The following EXOC4 variants were observed in gnomAD, a reference collection of about 807,000 sequenced individuals.
The protein encoded by EXOC4 is SEC8-like 1.
EXOC4 carries 71 observed loss-of-function variants against 107.2 expected under a neutral mutation model. That is an observed-to-expected ratio of 0.66 (90% CI 0.55 to 0.81). EXOC4 has a LOEUF of 0.81. Ranked by LOEUF, EXOC4 falls within the 30% of genes least tolerant of loss-of-function variation. The probability of loss-of-function intolerance (pLI) is 0.00; values close to 1 mark genes in which losing one functional copy is unlikely to be tolerated. For missense variants in EXOC4, 1,108 were observed against 1,189.6 expected (o/e 0.93, Z 1.01); for synonymous variants, 456 against 441.2 (o/e 1.03, Z -0.42).
intron 10 of EXOC4, among the ~76,000 whole-genome samples, chr7:133,755,344 C>CTT (rs201700277): frequency 1.1e-5 from 1 of 88,384 alleles, no homozygotes; most frequent in Non-Finnish European, 2.3e-5. Flanking sequence ...ATACACATCT[C>CTT]TTTTTTTTTT....
At chr7:133,906,276 G>A (rs1044576639) in intron 12 of EXOC4, among the ~76,000 whole-genome samples, 1 of 152,134 alleles carries the variant, frequency 6.6e-6, no homozygotes, top group Non-Finnish European at 1.5e-5. Flanking sequence ...TGGCCTTGGA[G>A]CTTTTGCCAA....
At chr7:134,000,306 A>G (rs1794503157) in intron 15 of EXOC4, among the ~76,000 whole-genome samples, 1 of 152,150 alleles carries the variant, frequency 6.6e-6, no homozygotes, top group Non-Finnish European at 1.5e-5. Context: ...ACAAAATGAA[A>G]AAGACAGATT....
chr7:133,986,372 A>G (rs919951423), intron 14 of EXOC4, among the ~76,000 whole-genome samples: 23 of 152,230 alleles, frequency 1.5e-4, no homozygotes, highest in African/African-American at 5.5e-4. Context: ...AAACTAGATT[A>G]TAGATGGTTT....
chr7:133,831,008 A>G (rs1298992470), intron 11 of EXOC4, among the ~76,000 whole-genome samples: 5 of 152,192 alleles, frequency 3.3e-5, no homozygotes, highest in Middle Eastern at 3.4e-3. Context: ...TCTATCGCCC[A>G]GGCTGGAGTG....
intron 9 of EXOC4, among the ~76,000 whole-genome samples, chr7:133,553,748 G>A (rs371857045): frequency 1.2e-4 from 18 of 152,184 alleles, no homozygotes; most frequent in African/African-American, 3.9e-4. Context: ...AAGTATTACC[G>A]AATTTGATTT....
At chr7:133,642,086 G>T (rs1375175185) in intron 10 of EXOC4, among the ~76,000 whole-genome samples, 1 of 152,134 alleles carries the variant, frequency 6.6e-6, no homozygotes, top group African/African-American at 2.4e-5. Context: ...CATTCAGTGG[G>T]AGTTGACAGT....
intron 10 of EXOC4, among the ~76,000 whole-genome samples, chr7:133,761,829 C>T (rs1796038750): frequency 6.6e-6 from 1 of 152,164 alleles, no homozygotes; most frequent in African/African-American, 2.4e-5. Context: ...CACCTGGGCC[C>T]AATGATTTTT....
At chr7:133,735,996 G>A (rs1135673) in intron 10 of EXOC4, among the ~76,000 whole-genome samples, 82,477 of 151,860 alleles carry the variant, frequency 0.54, 22,938 homozygotes, top group East Asian at 0.68. Context: ...AGGCTGAGGT[G>A]GAGGATTGCT....
At chr7:133,775,341 G>A (rs750657062) in intron 10 of EXOC4, among the ~76,000 whole-genome samples, 23 of 152,192 alleles carry the variant, frequency 1.5e-4, no homozygotes, top group Non-Finnish European at 3.2e-4. Flanking sequence ...TTTGTAGCTT[G>A]TAGCATGGAG....
chr7:133,823,874 ATATATATATATATATATATTT>A, intron 11 of EXOC4, among the ~76,000 whole-genome samples: 1 of 9,090 alleles, frequency 1.1e-4, no homozygotes, highest in Non-Finnish European at 1.6e-4. Flanking sequence ...TATATATATT[ATATATATATATATATATATTT>A]TATATATATA....
intron 10 of EXOC4, among the ~76,000 whole-genome samples, chr7:133,758,431 G>T (rs1562985607): frequency 6.6e-6 from 1 of 152,196 alleles, no homozygotes; most frequent in Non-Finnish European, 1.5e-5. Flanking sequence ...GAGCCACCGT[G>T]CCCGGCCCAT....
chr7:133,273,305 A>G (rs1793917285), intron 1 of EXOC4, among the ~76,000 whole-genome samples: 1 of 151,962 alleles, frequency 6.6e-6, no homozygotes, highest in Non-Finnish European at 1.5e-5. Flanking sequence ...TACATTCTCC[A>G]CTCTGATTTA....
At chr7:134,081,078 C>T in the EXOC4 span, among the ~76,000 whole-genome samples, 1 of 152,164 alleles carries the variant, frequency 6.6e-6, no homozygotes, top group South Asian at 2.1e-4. Flanking sequence ...CATGGTGGCT[C>T]ATGCCTGTAA....
intron 17 of EXOC4, among the ~76,000 whole-genome samples, chr7:134,034,772 G>A (rs1795350345): frequency 6.6e-6 from 1 of 152,202 alleles, no homozygotes; most frequent in South Asian, 2.1e-4. Flanking sequence ...GGTTGTAAGT[G>A]ACTGATAGAG....
At chr7:133,270,825 A>G (rs572100668) in intron 1 of EXOC4, among the ~76,000 whole-genome samples, 2 of 152,134 alleles carry the variant, frequency 1.3e-5, no homozygotes, top group East Asian at 3.9e-4. Context: ...GTTCAGGTTA[A>G]GGGACTAGTG....
intron 11 of EXOC4, among the ~76,000 whole-genome samples, chr7:133,855,094 T>TATATATATAA (rs1316679869): frequency 8.3e-5 from 7 of 84,428 alleles, no homozygotes; most frequent in African/African-American, 3.6e-4. Context: ...TATATATAAA[T>TATATATATAA]ATATATATAA....
chr7:133,508,585 AC>A, intron 9 of EXOC4, among the ~76,000 whole-genome samples: 1 of 152,288 alleles, frequency 6.6e-6, no homozygotes, highest in South Asian at 2.1e-4. Flanking sequence ...GAGATCATCA[AC>A]CTTACACCTT....
intron 7 of EXOC4, among the ~76,000 whole-genome samples, chr7:133,438,309 C>T (rs943677109): frequency 2.0e-5 from 3 of 152,130 alleles, no homozygotes. Flanking sequence ...CTCAGAGTTC[C>T]TGATTCTTTA....
intron 6 of EXOC4, among the ~76,000 whole-genome samples, chr7:133,363,817 G>A (rs928604957): frequency 6.6e-6 from 1 of 152,038 alleles, no homozygotes. Context: ...TGTCATTTTT[G>A]TGCACTTGCT....
Sources: gnomAD v4.1 joint callset for allele counts (sites outside exome capture counted in the v4.1 genomes callset) on GRCh38, gnomAD v4.1.1 for gene constraint, MANE v1.5 for transcripts, NCBI Gene and HGNC (gene_info 2026-07-23, HGNC 2026-07-21) for gene names.